The following ADGRB3 variants were observed in gnomAD, a reference collection of about 807,000 sequenced individuals.
ADGRB3 encodes brain-specific angiogenesis inhibitor 3.
ADGRB3 carries 37 observed loss-of-function variants against 193.4 expected under a neutral mutation model. That is an observed-to-expected ratio of 0.19 (90% CI 0.15 to 0.25). The LOEUF (loss-of-function observed/expected upper bound fraction) is 0.25. Ranked by LOEUF, ADGRB3 falls within the 10% of genes least tolerant of loss-of-function variation. The pLI, the probability that ADGRB3 is intolerant of heterozygous loss-of-function variation, is 1.00. For missense variants in ADGRB3, 1,637 were observed against 1,852.9 expected (o/e 0.88, Z 2.14); for synonymous variants, 690 against 644.2 (o/e 1.07, Z -1.08).
chr6:69,213,955 A>G (rs1330501503), intron 17 of ADGRB3, among the ~76,000 whole-genome samples: 3 of 152,196 alleles, frequency 2.0e-5, no homozygotes, highest in African/African-American at 7.2e-5. Flanking sequence ...GGACCTAAAA[A>G]TTGAGTAGGG....
chr6:69,104,068 G>C (rs1351192430), intron 17 of ADGRB3, among the ~76,000 whole-genome samples: 3 of 151,522 alleles, frequency 2.0e-5, no homozygotes, highest in African/African-American at 2.4e-5. Context: ...TAAGTTTTAG[G>C]GTACATGTGC....
At chr6:68,683,118 T>A (rs1417443689) in intron 3 of ADGRB3, among the ~76,000 whole-genome samples, 3 of 152,228 alleles carry the variant, frequency 2.0e-5, no homozygotes, top group African/African-American at 7.2e-5. Context: ...TAAATAAATA[T>A]TTTTAAATAA....
intron 3 of ADGRB3, among the ~76,000 whole-genome samples, chr6:68,872,380 G>A (rs1033913099): frequency 1.3e-5 from 2 of 150,910 alleles, no homozygotes; most frequent in Non-Finnish European, 3.0e-5. Flanking sequence ...TGGGGAAAGT[G>A]AAGATAAAAA....
At chr6:68,657,774 C>T (rs1299355209) in intron 3 of ADGRB3, among the ~76,000 whole-genome samples, 1 of 151,386 alleles carries the variant, frequency 6.6e-6, no homozygotes, top group Non-Finnish European at 1.5e-5. Context: ...AATCTATATG[C>T]AAATTTGTAT....
chr6:69,269,068 A>G (rs183742704), intron 20 of ADGRB3, among the ~76,000 whole-genome samples: 8 of 152,268 alleles, frequency 5.3e-5, no homozygotes, highest in Admixed American at 2.6e-4. Flanking sequence ...TATATAAATC[A>G]TCACATTTAC....
At chr6:68,674,193 G>T (rs1366288813) in intron 3 of ADGRB3, among the ~76,000 whole-genome samples, 4 of 151,962 alleles carry the variant, frequency 2.6e-5, no homozygotes, top group East Asian at 1.9e-4. Context: ...GAGAGAGAAA[G>T]GATTTTCTGA....
chr6:69,167,962 A>G (rs1024899738), intron 17 of ADGRB3, among the ~76,000 whole-genome samples: 1 of 152,140 alleles, frequency 6.6e-6, no homozygotes, highest in Non-Finnish European at 1.5e-5. Flanking sequence ...TCTAAAAGGA[A>G]GTTTTATTTA....
intron 20 of ADGRB3, among the ~76,000 whole-genome samples, chr6:69,300,719 G>T (rs142372801): frequency 2.5e-4 from 38 of 151,770 alleles, no homozygotes; most frequent in African/African-American, 9.2e-4. Flanking sequence ...ATTTACAATA[G>T]CTACAAATAT....
At chr6:69,305,451 A>G (rs1056149062) in intron 20 of ADGRB3, among the ~76,000 whole-genome samples, 1 of 151,546 alleles carries the variant, frequency 6.6e-6, no homozygotes, top group African/African-American at 2.4e-5. Flanking sequence ...CATTATATTA[A>G]GTTGCCACCC....
At chr6:68,776,328 C>T (rs1582192012) in intron 3 of ADGRB3, among the ~76,000 whole-genome samples, 1 of 152,080 alleles carries the variant, frequency 6.6e-6, no homozygotes, top group Admixed American at 6.6e-5. Flanking sequence ...ACGTAGACAA[C>T]TGTGGTGGGG....
chr6:68,841,733 A>G (rs1224137538), intron 3 of ADGRB3, among the ~76,000 whole-genome samples: 1 of 152,082 alleles, frequency 6.6e-6, no homozygotes, highest in African/African-American at 2.4e-5. Context: ...CCCAGAATTA[A>G]TAGAAGAAAA....
intron 20 of ADGRB3, among the ~76,000 whole-genome samples, chr6:69,265,023 G>A (rs371411017): frequency 1.3e-5 from 2 of 151,816 alleles, no homozygotes; most frequent in South Asian, 4.1e-4. Context: ...ACACATACGT[G>A]CAAATTCTCT....
chr6:69,382,498 A>T (rs769920569), intron 30 of ADGRB3, among the ~76,000 whole-genome samples: 5 of 151,978 alleles, frequency 3.3e-5, no homozygotes, highest in African/African-American at 7.2e-5. Context: ...TAAACATTTT[A>T]AAAATATGAT....
At chr6:69,255,901 G>T (rs62408260) in intron 20 of ADGRB3, among the ~76,000 whole-genome samples, 1 of 151,916 alleles carries the variant, frequency 6.6e-6, no homozygotes, top group African/African-American at 2.4e-5. Context: ...GAAGGGATCC[G>T]GTTTCAGCTT....
At chr6:69,299,854 TG>T (rs897495319) in intron 20 of ADGRB3, among the ~76,000 whole-genome samples, 1 of 151,902 alleles carries the variant, frequency 6.6e-6, no homozygotes, top group African/African-American at 2.4e-5. Context: ...AGATTTTTTT[TG>T]ACTATTCTGA....
rs1009797705 is a variant in ADGRB3 at position 68,660,894 on chromosome 6, G to A, written c.757+21462G>A. ...CATGTACACAATTTATATGAAATAAGCTGGATAAATGGCTGTCAGAAAATC... is the reference window on the plus strand; with the variant it reads ...CATGTACACAATTTATATGAAATAAACTGGATAAATGGCTGTCAGAAAATC... On this transcript the variant is annotated intron_variant, in intron 3 of 31. Transcript: ENST00000370598. Among the ~76,000 whole-genome samples, 24 of 151,068 alleles carry A rather than the reference G, an allele frequency of 1.6e-4. 1 individual carries two copies. Among genetic ancestry groups the A allele is most frequent in the African/African-American group, 5.3e-4 (22 of 41,448 alleles).
rs150914752 is a variant in ADGRB3, at chr6:69,247,854, T to C, written c.2814+8628T>C. On this transcript the variant is annotated intron_variant, in intron 20 of 31. Transcript: ENST00000370598. ...AATAGGAGTATAGCCACTTCATTTT[T>C]GGGGGCCCCATTTGGAATAATTATA... 8.4e-3 allele frequency among the ~76,000 whole-genome samples: 1,282 copies of C among 152,272 alleles called. 17 individuals are homozygous for C. Among genetic ancestry groups the C allele is most frequent in the Non-Finnish European group, 0.012 (835 of 68,020 alleles).
rs139496562 is a variant in ADGRB3 at position 69,210,911 on chromosome 6, C to T, written c.2481-22379C>T. Among the ~76,000 whole-genome samples the T allele has an allele frequency of 8.7e-3, 1,313 of 151,494 alleles. 11 individuals are homozygous for T. The highest frequency in any genetic ancestry group is 0.014 in the Non-Finnish European group (920 of 67,912). On this transcript the variant is annotated intron_variant, in intron 17 of 31. Coordinates refer to ENST00000370598, the MANE Select transcript of ADGRB3 (RefSeq NM_001704.3). ...CTGGCGGATCACGAGGTCAGGAGAT[C>T]GAGACAATCCTGGCTAACACGGTGA... is the stretch of plus-strand genomic sequence containing the variant.
rs554027181 is a variant in ADGRB3 at position 69,223,652 on chromosome 6, CTTT to C, written c.2481-9618_2481-9616del. 4.5e-3 allele frequency among the ~76,000 whole-genome samples: 502 copies of C among 110,338 alleles called. 2 individuals carry two copies. Among genetic ancestry groups the C allele is most frequent in the Non-Finnish European group, 5.9e-3 (331 of 56,432 alleles). 72.4% of individuals were successfully genotyped at this position (110,338 alleles called of 152,430 possible). On this transcript the variant is annotated intron_variant, in intron 17 of 31. Coordinates refer to ENST00000370598, the MANE Select transcript of ADGRB3 (RefSeq NM_001704.3). Reference sequence around the variant, plus strand: ...AATTTTTTTGAATCTCTCTCTCTCTCTTTTTTTTTTTTTTTTTTTTTTGGCAGA... The same window carrying C: ...AATTTTTTTGAATCTCTCTCTCTCTCTTTTTTTTTTTTTTTTTTTGGCAGA...
Sources: allele counts gnomAD v4.1 joint callset (sites outside exome capture counted in the v4.1 genomes callset), GRCh38; gene constraint gnomAD v4.1.1; transcripts MANE v1.5; gene names NCBI Gene and HGNC (gene_info 2026-07-23, HGNC 2026-07-21).